MMS22L: variants seen among roughly 807,000 people sequenced by gnomAD.
The protein encoded by MMS22L is MMS22 like, DNA repair protein, also known as protein MMS22-like.
Under a neutral mutation model 159.1 loss-of-function variants are expected in MMS22L, and 74 were observed. The ratio of observed to expected loss-of-function variants is 0.47; its 90% confidence interval spans 0.39 to 0.56. The LOEUF (loss-of-function observed/expected upper bound fraction) is 0.56, where lower values mean the gene tolerates loss of function less well. Ranked by LOEUF, MMS22L falls within the 20% of genes least tolerant of loss-of-function variation. The pLI is 0.00. For missense variants in MMS22L, 1,351 were observed against 1,422.1 expected, an observed-to-expected ratio of 0.95 and a Z score of 0.80; for synonymous variants, 517 against 506.9, an observed-to-expected ratio of 1.02 and a Z score of -0.27.
At chr6:97,199,372 TCACA>T (rs1226066705) in intron 14 of MMS22L, among the ~76,000 whole-genome samples, 1 of 152,110 alleles carries the variant, frequency 6.6e-6, no homozygotes, top group Non-Finnish European at 1.5e-5. Flanking sequence ...AATGTTCCCG[TCACA>T]GTGAAATTTG....
intron 12 of MMS22L, 144 bp from the exon 13 acceptor site, chr6:97,231,796 T>C: frequency 3.1e-6 from 2 of 648,916 alleles, no homozygotes; most frequent in South Asian, 4.0e-5. Flanking sequence ...TTCTCTAAAA[T>C]AAAAATTCCA....
rs1047621686 is a variant in MMS22L, at chr6:97,146,274, TTTTC to T, written c.*528_*531del. The T allele has an allele frequency of 6.6e-6, 1 of 152,056 alleles. No individual in the cohort carries two copies. The highest frequency in any genetic ancestry group is 6.6e-5 in the Admixed American group (1 of 15,252). The allele number at this position is 152,056 out of a possible 1,614,324, so 9.4% of individuals were successfully genotyped here. ...CACAGTTAAGTGTGCTTTGTAAGGG[TTTTC>T]TTTGTTAACTTGCCTCACACATATA... On this transcript the variant is annotated 3_prime_UTR_variant, in exon 25 of 25. Coordinates refer to ENST00000683635, the MANE Select transcript of MMS22L (RefSeq NM_001350599.2).
chr6:97,209,511 T>C (rs1186848160), intron 14 of MMS22L, among the ~76,000 whole-genome samples: 1 of 151,878 alleles, frequency 6.6e-6, no homozygotes. Flanking sequence ...CTATCTACAA[T>C]TACAACCAAT....
Position 97,186,580 on chromosome 6 carries a change from A to G in MMS22L, c.2150T>C (p.Leu717Pro), listed in dbSNP as rs1805256307. Residue 717 changes from leucine to proline, a missense_variant, in exon 15 of 25, where the codon CTG becomes CCG. Transcript: ENST00000683635. ...CAAAAATGAAAAGAAATGTCTCCAC[A>G]GTGCACTGGCAACTGCAGCAAGGTG... Reference protein sequence around the residue: ...ERHLAAVASALWRHFFSFLKS... With the variant: ...ERHLAAVASAPWRHFFSFLKS... 6.2e-7 allele frequency: 1 copy of G among 1,613,140 alleles called. No homozygotes were observed. The highest frequency in any genetic ancestry group is 8.5e-7 in the Non-Finnish European group (1 of 1,179,564).
rs749211053 is a variant in MMS22L at position 97,150,033 on chromosome 6, C to T, written c.3483-13G>A. 1 of 1,611,408 alleles carries T rather than the reference C, an allele frequency of 6.2e-7. No individual in the cohort carries two copies. The highest frequency in any genetic ancestry group is 8.5e-7 in the Non-Finnish European group (1 of 1,178,574). On this transcript the variant is annotated splice_polypyrimidine_tract_variant and intron_variant, in intron 23 of 24. Coordinates refer to ENST00000683635, the MANE Select transcript of MMS22L (RefSeq NM_001350599.2). ...CTGGATAAACTGCCTGAAAGTAAAA[C>T]AGGTTTATTTAGGATTACTCCTGGG...
chr6:97,187,837 C>G (rs1243540871), intron 14 of MMS22L, among the ~76,000 whole-genome samples: 2 of 152,140 alleles, frequency 1.3e-5, no homozygotes, highest in Non-Finnish European at 1.5e-5. Context: ...TTTCGCATAA[C>G]TACCCAAGAG....
At chr6:97,233,800 T>C (rs749132570) in intron 12 of MMS22L, 61 bp downstream of exon 12, 305 of 1,512,366 alleles carry the variant, frequency 2.0e-4, no homozygotes, top group Non-Finnish European at 2.5e-4. Context: ...CATAAAGACA[T>C]TCCTCAAATA....
At position 97,146,611 on chromosome 6, in the gene MMS22L, G is replaced by A. The variant is rs1453713887; in HGVS notation, c.*195C>T. ...ATGCAGTTTTGTAAAAAGTTCCAAGGATCCTATTACACAGTTGCTAATTAA... is the reference window on the plus strand; with the variant it reads ...ATGCAGTTTTGTAAAAAGTTCCAAGAATCCTATTACACAGTTGCTAATTAA... On this transcript the variant is annotated 3_prime_UTR_variant, in exon 25 of 25. Transcript: ENST00000683635. 1.1e-5 allele frequency: 4 copies of A among 365,450 alleles called. No homozygotes were observed. Among genetic ancestry groups the A allele is most frequent in the African/African-American group, 4.3e-5 (2 of 46,726 alleles). 22.6% of individuals were successfully genotyped at this position (365,450 alleles called of 1,614,324 possible).
chr6:97,226,462 T>G (rs918144433), intron 14 of MMS22L, among the ~76,000 whole-genome samples: 1 of 151,922 alleles, frequency 6.6e-6, no homozygotes. Context: ...TGCGTGGTAG[T>G]GTGTGCCTGT....
In MMS22L at chr6:97,246,789, C is replaced by T. The variant is rs2128041585; in HGVS notation, c.1120-99G>A. The T allele has an allele frequency of 4.1e-6, 3 of 737,740 alleles. No homozygotes were observed. The South Asian group carries it at 6.0e-5, about 15-fold the overall frequency. The allele number at this position is 737,740 out of a possible 1,614,324, so 45.7% of individuals were successfully genotyped here. On this transcript the variant is annotated intron_variant, in intron 10 of 24. Coordinates refer to ENST00000683635, the MANE Select transcript of MMS22L (RefSeq NM_001350599.2). Reference sequence around the variant, plus strand: ...AATTAAGTGTGCAGTACATTTTCCTCTATCATTCAGCATCAATGTGATTTC... The same window carrying T: ...AATTAAGTGTGCAGTACATTTTCCTTTATCATTCAGCATCAATGTGATTTC...
rs149884038 is a variant in MMS22L at position 97,280,189 on chromosome 6, T to C, written c.290+1048A>G. On this transcript the variant is annotated intron_variant, in intron 3 of 24. Coordinates refer to ENST00000683635, the MANE Select transcript of MMS22L (RefSeq NM_001350599.2). ...TGAGAGAATTCCTTCCACCTCTCCA[T>C]TTTCCTTTAAATGTATCACATATAG... Among the ~76,000 whole-genome samples, 1,104 of 152,326 alleles carry C rather than the reference T, an allele frequency of 7.2e-3. 15 individuals carry two copies. Among genetic ancestry groups the C allele is most frequent in the African/African-American group, 0.024 (999 of 41,564 alleles).
At chr6:97,230,980 T>A (rs528450899) in intron 13 of MMS22L, 1 of 160,464 alleles carries the variant, frequency 6.2e-6, no homozygotes, top group African/African-American at 2.4e-5. Context: ...GCAAAGGAAG[T>A]AGAAAAAAGA....
At chr6:97,217,713 G>A (rs915258303) in intron 14 of MMS22L, among the ~76,000 whole-genome samples, 3 of 152,246 alleles carry the variant, frequency 2.0e-5, no homozygotes, top group African/African-American at 4.8e-5. Context: ...GGTGAGGAAC[G>A]TTTGTGAAAG....
chr6:97,268,225 C>T (rs934371052), intron 7 of MMS22L, among the ~76,000 whole-genome samples: 4 of 149,498 alleles, frequency 2.7e-5, no homozygotes, highest in African/African-American at 9.9e-5. Context: ...GTCTCTGTCA[C>T]CCAGGCTGGA....
chr6:97,161,991 T>C lies in MMS22L; in HGVS notation c.3385+11A>G. ...AAGAAAATGGTAACAAAAATAAGCT[T>C]ACAAACAAACCTTGTGGTTCACTGA... On this transcript the variant is annotated intron_variant, in intron 22 of 24. Coordinates refer to ENST00000683635, the MANE Select transcript of MMS22L (RefSeq NM_001350599.2). 2 of 1,600,968 alleles carry C rather than the reference T, an allele frequency of 1.2e-6. No individual in the cohort carries two copies. Among genetic ancestry groups the C allele is most frequent in the Non-Finnish European group, 1.7e-6 (2 of 1,176,268 alleles).
In MMS22L at chr6:97,173,147, G is replaced by C. The variant is rs747539506; in HGVS notation, c.2755C>G (p.Leu919Val). Residue 919 changes from leucine to valine, a missense_variant, in exon 19 of 25, where the codon CTT (leucine) becomes GTT (valine). Transcript: ENST00000683635. ...TTAATATATTTTAATACTTCACCAA[G>C]GTATTCCAAGGACTTTGTGACCATG... ...SAMVTKSLEY[L>V]GEVLKYIKPY... The C allele has an allele frequency of 5.0e-6, 8 of 1,613,382 alleles. No individual in the cohort carries two copies. The South Asian group carries it at 7.7e-5, about 16-fold the overall frequency.
rs1554271072 is a variant in MMS22L at position 97,231,664 on chromosome 6, G to A, written c.1303-12C>T. On this transcript the variant is annotated splice_polypyrimidine_tract_variant and intron_variant, in intron 12 of 24. Transcript: ENST00000683635. ...CTGAAGGAACTATTCTAAAAGGGGG[G>A]AAAAAAAAGATAGAAAACAATTATT... 1 of 1,511,888 alleles carries A rather than the reference G, an allele frequency of 6.6e-7. No individual in the cohort carries two copies. Among genetic ancestry groups the A allele is most frequent in the Admixed American group, 1.8e-5 (1 of 55,778 alleles). 93.7% of individuals were successfully genotyped at this position (1,511,888 alleles called of 1,614,324 possible). A position where few individuals can be genotyped will look rare whatever the true frequency, so the allele number is the denominator to read the frequency against.
intron 11 of MMS22L, among the ~76,000 whole-genome samples, chr6:97,244,025 T>C (rs1812367640): frequency 6.6e-6 from 1 of 152,100 alleles, no homozygotes. Flanking sequence ...GTTTAGTACA[T>C]TGGTTTTCTT....
chr6:97,246,594 A>T, intron 11 of MMS22L, 34 bp downstream of exon 11: 1 of 1,552,882 alleles, frequency 6.4e-7, no homozygotes, highest in Non-Finnish European at 8.7e-7. Context: ...AAAATTAAGC[A>T]AAATCCACAA....
Sources: allele counts gnomAD v4.1 joint callset (sites outside exome capture counted in the v4.1 genomes callset), GRCh38; gene constraint gnomAD v4.1.1; transcripts MANE v1.5; gene names NCBI Gene and HGNC (gene_info 2026-07-23, HGNC 2026-07-21).